The following NME7 variants were observed in gnomAD, a reference collection of about 807,000 sequenced individuals.
NME7 encodes the protein nucleoside diphosphate kinase 7.
Under a neutral mutation model 49.1 loss-of-function variants are expected in NME7, and 41 were observed. That is an observed-to-expected ratio of 0.83 (90% CI 0.65 to 1.08). The LOEUF (loss-of-function observed/expected upper bound fraction) is 1.08, where lower values mean the gene tolerates loss of function less well. Ranked by LOEUF, NME7 falls within the 50% of genes least tolerant of loss-of-function variation. The probability of loss-of-function intolerance (pLI) is 0.00; values close to 1 mark genes in which losing one functional copy is unlikely to be tolerated. For synonymous variants in NME7, 139 were observed against 150.6 expected (o/e 0.92, Z 0.56); for missense variants, 423 against 463.4 (o/e 0.91, Z 0.80).
intron 11 of NME7, among the ~76,000 whole-genome samples, chr1:169,158,168 G>A (rs1659136101): frequency 6.6e-6 from 1 of 152,142 alleles, no homozygotes; most frequent in Admixed American, 6.5e-5. Context: ...TATAAGTGGG[G>A]AATATGTTCC....
At chr1:169,164,511 G>C (rs542812843) in intron 11 of NME7, among the ~76,000 whole-genome samples, 1 of 152,192 alleles carries the variant, frequency 6.6e-6, no homozygotes, top group African/African-American at 2.4e-5. Context: ...GTTTTACAGA[G>C]TGAGGAAACC....
chr1:169,323,981 G>A (rs553656107), intron 2 of NME7, among the ~76,000 whole-genome samples: 1 of 151,632 alleles, frequency 6.6e-6, no homozygotes, highest in African/African-American at 2.4e-5. Context: ...AGCCTCCCGA[G>A]TAGCTGGGAT....
At chr1:169,176,391 C>G (rs769876361) in intron 10 of NME7, among the ~76,000 whole-genome samples, 53 of 152,068 alleles carry the variant, frequency 3.5e-4, no homozygotes, top group Non-Finnish European at 6.8e-4. Context: ...CTTATTGGCA[C>G]TGGAAAATAC....
chr1:169,142,762 G>A (rs1658634199), intron 11 of NME7, among the ~76,000 whole-genome samples: 2 of 152,162 alleles, frequency 1.3e-5, no homozygotes, highest in Admixed American at 6.5e-5. Flanking sequence ...GTGCAGGAAA[G>A]GGGTTTAGAG....
At chr1:169,229,975 T>C (rs1466900038) in intron 10 of NME7, among the ~76,000 whole-genome samples, 1 of 150,962 alleles carries the variant, frequency 6.6e-6, no homozygotes, top group African/African-American at 2.4e-5. Flanking sequence ...AAAAAAAAAA[T>C]TAAAAATAAT....
chr1:169,191,542 C>T (rs1408988116), intron 10 of NME7, among the ~76,000 whole-genome samples: 2 of 152,116 alleles, frequency 1.3e-5, no homozygotes, highest in Non-Finnish European at 1.5e-5. Context: ...GTATTATTTA[C>T]GTGACTAGAA....
At chr1:169,185,628 C>G (rs544522297) in intron 10 of NME7, among the ~76,000 whole-genome samples, 15 of 152,204 alleles carry the variant, frequency 9.9e-5, no homozygotes, top group African/African-American at 3.4e-4. Flanking sequence ...TAATCCATAG[C>G]TAGAGTTAAT....
At chr1:169,198,088 T>G (rs1192459606) in intron 10 of NME7, among the ~76,000 whole-genome samples, 2 of 151,864 alleles carry the variant, frequency 1.3e-5, no homozygotes, top group Non-Finnish European at 2.9e-5. Context: ...AAATGGCCAA[T>G]AAGCACATAA....
At chr1:169,280,212 A>G (rs1256822644) in intron 7 of NME7, among the ~76,000 whole-genome samples, 1 of 152,216 alleles carries the variant, frequency 6.6e-6, no homozygotes, top group African/African-American at 2.4e-5. Context: ...TCTAATGACC[A>G]GGGATGAGGA....
intron 1 of NME7, among the ~76,000 whole-genome samples, chr1:169,345,048 T>A (rs1326906556): frequency 6.6e-6 from 1 of 152,188 alleles, no homozygotes; most frequent in Non-Finnish European, 1.5e-5. Context: ...CTATTTCTTC[T>A]TGAGTTTTAG....
At chr1:169,214,703 C>T (rs1310683960) in intron 10 of NME7, among the ~76,000 whole-genome samples, 1 of 152,226 alleles carries the variant, frequency 6.6e-6, no homozygotes, top group Non-Finnish European at 1.5e-5. Flanking sequence ...GCCCCATTTA[C>T]TCAGCCTGCC....
intron 11 of NME7, among the ~76,000 whole-genome samples, chr1:169,147,773 G>GATTT (rs1459492135): frequency 6.6e-6 from 1 of 152,172 alleles, no homozygotes; most frequent in African/African-American, 2.4e-5. Flanking sequence ...TAGTAGTTTG[G>GATTT]ATTTCATCTA....
At chr1:169,183,162 T>C (rs528364513) in intron 10 of NME7, among the ~76,000 whole-genome samples, 1 of 152,326 alleles carries the variant, frequency 6.6e-6, no homozygotes, top group South Asian at 2.1e-4. Context: ...ATTGGACTAA[T>C]CCACTAGAAT....
chr1:169,215,059 T>C (rs1397561266), intron 10 of NME7, among the ~76,000 whole-genome samples: 4 of 152,202 alleles, frequency 2.6e-5, no homozygotes, highest in South Asian at 2.1e-4. Flanking sequence ...CACAAATGAA[T>C]TGAAGGATGG....
At chr1:169,215,436 G>A (rs1038053463) in intron 10 of NME7, among the ~76,000 whole-genome samples, 3 of 152,292 alleles carry the variant, frequency 2.0e-5, no homozygotes, top group Middle Eastern at 3.4e-3. Context: ...TTTGGGCCAC[G>A]GGTTTCAGGT....
intron 10 of NME7, among the ~76,000 whole-genome samples, chr1:169,216,196 C>T (rs1027689975): frequency 2.0e-5 from 3 of 152,202 alleles, no homozygotes; most frequent in Admixed American, 6.5e-5. Context: ...AATGAGTTTA[C>T]TGATGGCTGA....
intron 1 of NME7, among the ~76,000 whole-genome samples, chr1:169,361,269 C>CA (rs975294054): frequency 6.7e-4 from 102 of 152,282 alleles, no homozygotes; most frequent in Middle Eastern, 3.4e-3. Flanking sequence ...TTCCGTTCTC[C>CA]AAATACCACT....
chr1:169,352,321 C>T (rs1653206101), intron 1 of NME7, among the ~76,000 whole-genome samples: 1 of 151,984 alleles, frequency 6.6e-6, no homozygotes. Flanking sequence ...GAATGTAGAA[C>T]AGAAACCATA....
At chr1:169,203,193 C>T (rs1240943752) in intron 10 of NME7, among the ~76,000 whole-genome samples, 1 of 152,150 alleles carries the variant, frequency 6.6e-6, no homozygotes, top group Non-Finnish European at 1.5e-5. Context: ...GTAAGTCAAG[C>T]TAAAGCCTGT....
Sources: gnomAD v4.1 joint callset for allele counts (sites outside exome capture counted in the v4.1 genomes callset) on GRCh38, gnomAD v4.1.1 for gene constraint, MANE v1.5 for transcripts, NCBI Gene and HGNC (gene_info 2026-07-23, HGNC 2026-07-21) for gene names.